The following FAAP20 variants were observed in gnomAD, a reference collection of about 807,000 sequenced individuals.
FAAP20 encodes the protein FA core complex associated protein 20.
In FAAP20, 12 loss-of-function variants were observed where a neutral mutation model predicts 16.2. The ratio of observed to expected loss-of-function variants is 0.74; its 90% CI spans 0.48 to 1.20. FAAP20 has a LOEUF of 1.20. FAAP20 is among the 50% of genes most tolerant of loss of function. The probability of loss-of-function intolerance (pLI) is 0.00; values close to 1 mark genes in which losing one functional copy is unlikely to be tolerated. For missense variants in FAAP20, 288 were observed against 245.8 expected (o/e 1.17, Z -1.15); for synonymous variants, 141 against 110.7 (o/e 1.27, Z -1.72).
chr1:2,185,095 C>T (rs1557767311), downstream of FAAP20: 7 of 1,330,256 alleles, frequency 5.3e-6, no homozygotes, highest in Non-Finnish European at 5.2e-6. Flanking sequence ...AGGCTGGGCA[C>T]GGCTCCGAGG....
downstream of FAAP20, among the ~76,000 whole-genome samples, chr1:2,211,187 C>T (rs1272888474): frequency 2.0e-5 from 3 of 150,512 alleles, no homozygotes; most frequent in African/African-American, 7.3e-5. Context: ...CACTGCCTCT[C>T]TTGGGAGCAA....
intron 3 of FAAP20, chr1:2,192,763 G>A (rs1017145432): frequency 1.2e-5 from 13 of 1,088,878 alleles, no homozygotes; most frequent in African/African-American, 3.3e-5. Context: ...ACAGGCACGC[G>A]CCACCACGCC....
At chr1:2,192,888 C>A in intron 3 of FAAP20, 2 of 1,302,106 alleles carry the variant, frequency 1.5e-6, no homozygotes, top group Non-Finnish European at 2.0e-6. Flanking sequence ...GCGTGAGCCA[C>A]CGTGCCCGGC....
chr1:2,189,785 C>T lies in FAAP20; in HGVS notation c.471-4G>A, dbSNP rs750642305. On this transcript the variant is annotated splice_region_variant and splice_polypyrimidine_tract_variant and intron_variant, in intron 3 of 3. Coordinates refer to ENST00000378546, the MANE Select transcript of FAAP20 (RefSeq NM_182533.4). ...GTCAACATCCAGCTGGGTCAGCCTG[C>T]AAGGGAGGGGCCACACTCACTCGGC... 14 of 1,610,426 alleles carry T rather than the reference C, an allele frequency of 8.7e-6. No individual in the cohort carries two copies. The highest frequency in any genetic ancestry group is 1.2e-5 in the Non-Finnish European group (14 of 1,177,726).
At chr1:2,188,939 A>G (rs1360264066), downstream of FAAP20, among the ~76,000 whole-genome samples, 8 of 147,070 alleles carry the variant, frequency 5.4e-5, no homozygotes, top group Non-Finnish European at 1.0e-4. Flanking sequence ...CGGGAGGCGG[A>G]GCTTGCAGTG....
chr1:2,200,291 A>C (rs1688997254), upstream of FAAP20: 1 of 151,490 alleles, frequency 6.6e-6, no homozygotes, highest in Admixed American at 6.6e-5. Context: ...GCTACTTAGG[A>C]GGCTGAGGCA....
chr1:2,206,120 C>T (rs1370931844), intron 3 of FAAP20, among the ~76,000 whole-genome samples: 10 of 152,244 alleles, frequency 6.6e-5, no homozygotes, highest in African/African-American at 2.4e-4. Context: ...TAGTTCACTT[C>T]CCTGTTGGTA....
At chr1:2,203,010 T>A (rs1689106732), upstream of FAAP20, among the ~76,000 whole-genome samples, 1 of 152,188 alleles carries the variant, frequency 6.6e-6, no homozygotes, top group South Asian at 2.1e-4. Context: ...AGCCAGCTGG[T>A]GACTGGACAA....
At chr1:2,186,066 C>G (rs371288231), downstream of FAAP20, 1 of 453,902 alleles carries the variant, frequency 2.2e-6, no homozygotes, top group African/African-American at 2.0e-5. Context: ...TGCCAGCTGC[C>G]AGGTGTCAGG....
chr1:2,192,762 C>A, intron 3 of FAAP20: 1 of 1,089,594 alleles, frequency 9.2e-7, no homozygotes, highest in Non-Finnish European at 1.2e-6. Flanking sequence ...CACAGGCACG[C>A]GCCACCACGC....
upstream of FAAP20, chr1:2,201,192 G>A (rs1444197884): frequency 1.4e-5 from 17 of 1,239,804 alleles, no homozygotes; most frequent in African/African-American, 3.1e-5. Flanking sequence ...GAGGAGCCGT[G>A]GGGTGGCTCC....
chr1:2,198,823 C>G (rs144802031), upstream of FAAP20: 2,572 of 1,289,742 alleles, frequency 2.0e-3, 69 homozygotes, highest in East Asian at 0.081. Flanking sequence ...TGTGCTCCAC[C>G]ACACCTGCTG....
At position 2,193,631 on chromosome 1, in the gene FAAP20, C is replaced by T. The variant is rs757273561; in HGVS notation, c.470+8G>A. 3 of 1,592,520 alleles carry T rather than the reference C, an allele frequency of 1.9e-6. No homozygotes were observed. Among genetic ancestry groups the T allele is most frequent in the Middle Eastern group, 3.4e-4 (2 of 5,946 alleles). ...TAACCGGGCCGGGCGCAGGGGTGGC[C>T]TACTCACCTGGGGGCGAACTCCTTC... On this transcript the variant is annotated splice_region_variant and intron_variant, in intron 3 of 3. Coordinates refer to ENST00000378546, the MANE Select transcript of FAAP20 (RefSeq NM_182533.4).
chr1:2,203,636 C>T (rs901194025), upstream of FAAP20: 54 of 985,920 alleles, frequency 5.5e-5, no homozygotes, highest in African/African-American at 7.0e-5. Context: ...GGGGCCTGAG[C>T]GGAGGGAAGA....
downstream of FAAP20, among the ~76,000 whole-genome samples, chr1:2,210,926 C>T (rs1409078439): frequency 6.6e-6 from 1 of 152,208 alleles, no homozygotes; most frequent in African/African-American, 2.4e-5. Context: ...GGGACCTGGG[C>T]CTGGGCTTAG....
chr1:2,206,763 G>GTGGA (rs1285259135), intron 1 of FAAP20: 2 of 151,932 alleles, frequency 1.3e-5, no homozygotes, highest in Admixed American at 6.6e-5. Context: ...AACCAGGGAG[G>GTGGA]TGGAGCTTGC....
chr1:2,189,202 G>A (rs374267931), downstream of FAAP20, among the ~76,000 whole-genome samples: 2 of 151,566 alleles, frequency 1.3e-5, no homozygotes, highest in East Asian at 2.0e-4. Context: ...GTGTGGTGAC[G>A]CGCGCCTGTA....
chr1:2,210,948 C>A (rs1314872144), downstream of FAAP20, among the ~76,000 whole-genome samples: 2 of 151,756 alleles, frequency 1.3e-5, no homozygotes, highest in African/African-American at 4.8e-5. Context: ...GACTGCTGCC[C>A]CTATCCAGAT....
chr1:2,206,447 G>GT (rs961780447), intron 2 of FAAP20: 1 of 152,234 alleles, frequency 6.6e-6, no homozygotes, highest in African/African-American at 2.4e-5. Flanking sequence ...AAACGAAACT[G>GT]TTTAACTCCA....
Sources: gnomAD v4.1 joint callset for allele counts (sites outside exome capture counted in the v4.1 genomes callset) on GRCh38, gnomAD v4.1.1 for gene constraint, MANE v1.5 for transcripts, NCBI Gene and HGNC (gene_info 2026-07-23, HGNC 2026-07-21) for gene names.